The following TNIK variants were observed in gnomAD, a reference collection of about 807,000 sequenced individuals.
TNIK encodes TRAF2 and NCK interacting kinase, also known as TRAF2 and NCK-interacting protein kinase.
TNIK carries 49 observed loss-of-function variants against 191.3 expected under a neutral mutation model. That is an observed-to-expected ratio of 0.26 (90% CI 0.20 to 0.32). TNIK has a LOEUF of 0.32. TNIK is among the 10% of genes least tolerant of loss of function. TNIK has a pLI of 1.00. For synonymous variants in TNIK, 594 were observed against 600.9 expected, an observed-to-expected ratio of 0.99 and a Z score of 0.17; for missense variants, 1,155 against 1,702.3, an observed-to-expected ratio of 0.68 and a Z score of 5.66.
intron 1 of TNIK, among the ~76,000 whole-genome samples, chr3:171,412,110 G>A (rs549272227): frequency 1.3e-5 from 2 of 152,254 alleles, no homozygotes; most frequent in East Asian, 3.9e-4. Flanking sequence ...AACAAGGTAT[G>A]GCCAGTCTAA....
At chr3:171,313,980 A>G (rs961076706) in intron 2 of TNIK, among the ~76,000 whole-genome samples, 2 of 152,210 alleles carry the variant, frequency 1.3e-5, no homozygotes, top group African/African-American at 4.8e-5. Context: ...ACAGGCAGGA[A>G]GGAAGGCAGA....
At chr3:171,369,928 G>C (rs1423029458) in intron 1 of TNIK, among the ~76,000 whole-genome samples, 1 of 152,118 alleles carries the variant, frequency 6.6e-6, no homozygotes, top group Non-Finnish European at 1.5e-5. Flanking sequence ...TCAGGCAAAA[G>C]GAGATGCTTT....
intron 3 of TNIK, chr3:171,225,856 A>T (rs1486452952): frequency 6.0e-6 from 2 of 334,278 alleles, no homozygotes; most frequent in Non-Finnish European, 1.2e-5. Flanking sequence ...CACACAATAG[A>T]ATTTAATATA....
chr3:171,135,206 T>G (rs1729812858), intron 15 of TNIK, among the ~76,000 whole-genome samples: 1 of 152,272 alleles, frequency 6.6e-6, no homozygotes, highest in African/African-American at 2.4e-5. Flanking sequence ...TTTTGAAACG[T>G]GTATTACTAC....
At chr3:171,431,321 A>G (rs908433279) in intron 1 of TNIK, among the ~76,000 whole-genome samples, 4 of 152,134 alleles carry the variant, frequency 2.6e-5, no homozygotes, top group Non-Finnish European at 1.5e-5. Context: ...ATCTTGACGT[A>G]TTTTTATATA....
intron 1 of TNIK, among the ~76,000 whole-genome samples, chr3:171,379,877 T>C (rs9882007): frequency 0.39 from 59,354 of 151,840 alleles, 13,409 homozygotes; most frequent in East Asian, 0.91. Flanking sequence ...GGCGTGGTGG[T>C]ACACGCCTAT....
At chr3:171,273,441 G>C (rs1296481509) in intron 2 of TNIK, among the ~76,000 whole-genome samples, 1 of 152,168 alleles carries the variant, frequency 6.6e-6, no homozygotes, top group African/African-American at 2.4e-5. Context: ...GGCTGGGGTA[G>C]GGGTGATGCA....
intron 23 of TNIK, among the ~76,000 whole-genome samples, chr3:171,092,744 C>G (rs1264581248): frequency 6.6e-6 from 1 of 152,172 alleles, no homozygotes; most frequent in Non-Finnish European, 1.5e-5. Context: ...ATTTCAAAGG[C>G]CTTATTCATC....
At position 171,210,980 on chromosome 3, in the gene TNIK, AAT is replaced by A. The variant is rs1577131743; in HGVS notation, c.306+134_306+135del. 7 of 1,111,622 alleles carry A rather than the reference AAT, an allele frequency of 6.3e-6. No individual in the cohort carries two copies. The East Asian group carries it at 1.6e-4, about 25-fold the overall frequency. 68.9% of individuals were successfully genotyped at this position (1,111,622 alleles called of 1,614,324 possible). A position where few individuals can be genotyped will look rare whatever the true frequency, so the allele number is the denominator to read the frequency against. On this transcript the variant is annotated intron_variant, in intron 4 of 32. Coordinates refer to ENST00000436636, the MANE Select transcript of TNIK (RefSeq NM_015028.4). ...GGAAATGGGAGAAAACCCTGAAAAC[AAT>A]ATGTTACGGACATCATGGGGGCTAA...
intron 2 of TNIK, among the ~76,000 whole-genome samples, chr3:171,229,129 AAATAAT>A (rs1325663402): frequency 1.3e-5 from 2 of 152,218 alleles, no homozygotes; most frequent in Non-Finnish European, 2.9e-5. Flanking sequence ...TCAAAAACTG[AAATAAT>A]AATAATACCT....
rs1739243582 is a variant in TNIK, at chr3:171,200,264, A to G, written c.307-5629T>C. 2.0e-5 allele frequency among the ~76,000 whole-genome samples: 3 copies of G among 146,466 alleles called. No homozygotes were observed. In the South Asian group the frequency reaches 6.6e-4, roughly 32 times the overall value. ...GCATACCACTTGAGAAGAAAGAAGG[A>G]AGGTCAAGTTGAAGGTGGTTGGGGG... On this transcript the variant is annotated intron_variant, in intron 4 of 32. Transcript: ENST00000436636.
intron 5 of TNIK, among the ~76,000 whole-genome samples, chr3:171,192,737 C>G (rs1738208507): frequency 6.6e-6 from 1 of 152,140 alleles, no homozygotes; most frequent in African/African-American, 2.4e-5. Flanking sequence ...TATGCTCTAT[C>G]TGAATGAGCA....
intron 2 of TNIK, among the ~76,000 whole-genome samples, chr3:171,317,631 T>G (rs369644126): frequency 6.6e-6 from 1 of 152,128 alleles, no homozygotes; most frequent in Non-Finnish European, 1.5e-5. Context: ...GTGAACAGAA[T>G]GAAGATGACA....
intron 2 of TNIK, among the ~76,000 whole-genome samples, chr3:171,327,078 G>C (rs1446060974): frequency 6.6e-6 from 1 of 152,208 alleles, no homozygotes; most frequent in Admixed American, 6.5e-5. Flanking sequence ...TCCCTGGGAT[G>C]AGACTCCTAC....
chr3:171,439,372 T>A (rs1009987813), intron 1 of TNIK, among the ~76,000 whole-genome samples: 7 of 150,306 alleles, frequency 4.7e-5, no homozygotes, highest in African/African-American at 1.7e-4. Flanking sequence ...AGAAAAAAAA[T>A]TGGACCAAAC....
In TNIK at chr3:171,058,958, TATTCCTTAAC is replaced by T. The variant is rs1243619653; in HGVS notation, c.*4913_*4922del. 6.6e-6 allele frequency among the ~76,000 whole-genome samples: 1 copy of T among 152,228 alleles called. No individual in the cohort carries two copies. The highest frequency in any genetic ancestry group is 6.5e-5 in the Admixed American group (1 of 15,274). ...TTAAACATACCATAATAAGTATTAC[TATTCCTTAAC>T]ATTTATCCCAGGGGAAGAGATAAGG... On this transcript the variant is annotated 3_prime_UTR_variant, in exon 33 of 33. Transcript: ENST00000436636.
At chr3:171,277,187 G>GC (rs1351576554) in intron 2 of TNIK, among the ~76,000 whole-genome samples, 3 of 152,234 alleles carry the variant, frequency 2.0e-5, no homozygotes, top group Non-Finnish European at 2.9e-5. Context: ...CAGCAAGAAG[G>GC]CCCTTATGAG....
chr3:171,107,853 T>G (rs1234790456), intron 20 of TNIK, among the ~76,000 whole-genome samples: 2 of 152,222 alleles, frequency 1.3e-5, no homozygotes, highest in African/African-American at 4.8e-5. Flanking sequence ...GGACTGCTAA[T>G]GATCAGCAAA....
At chr3:171,331,664 T>G (rs1756431583) in intron 2 of TNIK, among the ~76,000 whole-genome samples, 1 of 152,258 alleles carries the variant, frequency 6.6e-6, no homozygotes, top group Non-Finnish European at 1.5e-5. Flanking sequence ...TGGATTCATT[T>G]AAATCACTTT....
Sources: allele counts gnomAD v4.1 joint callset (sites outside exome capture counted in the v4.1 genomes callset), GRCh38; gene constraint gnomAD v4.1.1; transcripts MANE v1.5; gene names NCBI Gene and HGNC (gene_info 2026-07-23, HGNC 2026-07-21).